RAPGEF5: variants seen among roughly 807,000 people sequenced by gnomAD.
The protein encoded by RAPGEF5 is Rap guanine nucleotide exchange factor 5.
A neutral mutation model predicts 125.2 loss-of-function variants in RAPGEF5; 65 were observed. The observed-to-expected ratio is 0.52, with a 90% CI of 0.43 to 0.64. RAPGEF5 has a LOEUF of 0.64. Among genes scored for constraint, RAPGEF5 ranks in the 30% least tolerant of loss-of-function variants. The pLI is 0.00. For missense variants in RAPGEF5, 958 were observed against 1,048.1 expected, an observed-to-expected ratio of 0.91 and a Z score of 1.19; for synonymous variants, 391 against 385.9, an observed-to-expected ratio of 1.01 and a Z score of -0.16.
intron 1 of RAPGEF5, among the ~76,000 whole-genome samples, chr7:22,323,400 A>G (rs575153788): frequency 6.6e-5 from 10 of 152,216 alleles, no homozygotes; most frequent in Non-Finnish European, 1.3e-4. Flanking sequence ...GAAAATATAC[A>G]CAACAGATAC....
At chr7:22,317,248 T>C (rs1297714691) in intron 2 of RAPGEF5, among the ~76,000 whole-genome samples, 5 of 150,414 alleles carry the variant, frequency 3.3e-5, no homozygotes, top group Admixed American at 6.6e-5. Context: ...TTTTCTTTTT[T>C]TTTTTTTTTT....
intron 11 of RAPGEF5, among the ~76,000 whole-genome samples, chr7:22,177,308 A>G (rs1274960489): frequency 1.3e-5 from 2 of 152,168 alleles, no homozygotes; most frequent in Non-Finnish European, 2.9e-5. Context: ...AGCATATGTC[A>G]TTGGCCTTGA....
intron 9 of RAPGEF5, among the ~76,000 whole-genome samples, chr7:22,206,899 T>C (rs1173674089): frequency 1.3e-5 from 2 of 152,056 alleles, no homozygotes; most frequent in African/African-American, 4.8e-5. Context: ...GCAACAAATA[T>C]GACAAAATTT....
chr7:22,325,655 T>G (rs1233812693), intron 1 of RAPGEF5, among the ~76,000 whole-genome samples: 1 of 152,126 alleles, frequency 6.6e-6, no homozygotes, highest in African/African-American at 2.4e-5. Flanking sequence ...AGCCTTTATT[T>G]CCCAGACTCA....
chr7:22,316,487 A>G (rs199524694), intron 2 of RAPGEF5, among the ~76,000 whole-genome samples: 7 of 34,134 alleles, frequency 2.1e-4, no homozygotes, highest in Admixed American at 1.3e-3. Flanking sequence ...ATATATATAT[A>G]TATTTTTTTT....
At chr7:22,218,666 A>G (rs1785700362) in intron 9 of RAPGEF5, among the ~76,000 whole-genome samples, 1 of 152,216 alleles carries the variant, frequency 6.6e-6, no homozygotes, top group Non-Finnish European at 1.5e-5. Flanking sequence ...CTAAGGACAC[A>G]GCAGAGGTTA....
chr7:22,342,611 C>T (rs565357259), intron 1 of RAPGEF5, among the ~76,000 whole-genome samples: 130 of 152,320 alleles, frequency 8.5e-4, no homozygotes, highest in Non-Finnish European at 1.5e-3. Context: ...CCACCCAAGT[C>T]ACCTCTTGAA....
intron 1 of RAPGEF5, among the ~76,000 whole-genome samples, chr7:22,342,810 T>C (rs1318104331): frequency 2.0e-5 from 3 of 152,226 alleles, no homozygotes; most frequent in Non-Finnish European, 4.4e-5. Context: ...GCCTGGACTT[T>C]ATTGTCCATA....
intron 11 of RAPGEF5, among the ~76,000 whole-genome samples, chr7:22,168,764 A>C (rs543286760): frequency 6.6e-6 from 1 of 152,350 alleles, no homozygotes; most frequent in South Asian, 2.1e-4. Flanking sequence ...GCTTGGTTGC[A>C]GAATATCAAG....
At chr7:22,307,818 A>G (rs1783377604) in intron 5 of RAPGEF5, among the ~76,000 whole-genome samples, 2 of 152,228 alleles carry the variant, frequency 1.3e-5, no homozygotes, top group African/African-American at 4.8e-5. Flanking sequence ...AAGTCATGTC[A>G]GAATCACCAC....
At chr7:22,141,846 C>G (rs957156143) in intron 20 of RAPGEF5, among the ~76,000 whole-genome samples, 1 of 152,134 alleles carries the variant, frequency 6.6e-6, no homozygotes, top group Non-Finnish European at 1.5e-5. Context: ...TCTCCTGGGT[C>G]GACCCCACTT....
chr7:22,277,962 T>C (rs1782595624), intron 6 of RAPGEF5, among the ~76,000 whole-genome samples: 1 of 152,242 alleles, frequency 6.6e-6, no homozygotes, highest in Non-Finnish European at 1.5e-5. Flanking sequence ...GGGGTATTCA[T>C]GTTTGGGGGA....
chr7:22,267,357 T>C (rs771296841), intron 6 of RAPGEF5, among the ~76,000 whole-genome samples: 30 of 152,186 alleles, frequency 2.0e-4, no homozygotes, highest in Admixed American at 5.9e-4. Context: ...AAAATATACA[T>C]GATACCATAA....
intron 11 of RAPGEF5, among the ~76,000 whole-genome samples, chr7:22,190,604 T>C (rs1457429823): frequency 6.6e-6 from 1 of 152,234 alleles, no homozygotes; most frequent in Non-Finnish European, 1.5e-5. Flanking sequence ...CCCGGCTATA[T>C]TCAATGGAGT....
At chr7:22,295,608 G>A (rs1241681344) in intron 5 of RAPGEF5, among the ~76,000 whole-genome samples, 1 of 152,112 alleles carries the variant, frequency 6.6e-6, no homozygotes. Flanking sequence ...GTTTCCTTGG[G>A]AGAGGAGGTA....
chr7:22,345,648 C>G (rs1391232321), intron 1 of RAPGEF5, among the ~76,000 whole-genome samples: 1 of 148,594 alleles, frequency 6.7e-6, no homozygotes, highest in African/African-American at 2.5e-5. Context: ...TTTTTAAGAT[C>G]TAGCTTCATT....
intron 11 of RAPGEF5, among the ~76,000 whole-genome samples, chr7:22,169,881 A>C (rs912566108): frequency 1.4e-5 from 2 of 147,552 alleles, no homozygotes; most frequent in African/African-American, 5.0e-5. Context: ...AAAAAAAAAA[A>C]GCTGAATCTT....
chr7:22,152,535 T>G (rs907806795), intron 17 of RAPGEF5, among the ~76,000 whole-genome samples: 1 of 152,180 alleles, frequency 6.6e-6, no homozygotes. Flanking sequence ...AATAACTGGG[T>G]AGTTTATTGT....
intron 1 of RAPGEF5, among the ~76,000 whole-genome samples, chr7:22,343,593 C>G (rs558944262): frequency 1.3e-5 from 2 of 152,104 alleles, no homozygotes; most frequent in African/African-American, 2.4e-5. Context: ...CTAATAAACA[C>G]GCAGAATTGG....
Sources: gnomAD v4.1 joint callset for allele counts (sites outside exome capture counted in the v4.1 genomes callset) on GRCh38, gnomAD v4.1.1 for gene constraint, MANE v1.5 for transcripts, NCBI Gene and HGNC (gene_info 2026-07-23, HGNC 2026-07-21) for gene names.